The following MERTK variants were observed in gnomAD, a reference collection of about 807,000 sequenced individuals.
MERTK encodes the protein MER proto-oncogene, tyrosine kinase, also known as tyrosine-protein kinase Mer.
MERTK carries 69 observed loss-of-function variants against 99.3 expected under a neutral mutation model. That is an observed-to-expected ratio of 0.70 (90% CI 0.57 to 0.85). The LOEUF is 0.85. Among genes scored for constraint, MERTK ranks in the 40% least tolerant of loss-of-function variants. MERTK has a pLI of 0.00. For synonymous variants in MERTK, 426 were observed against 467.6 expected (o/e 0.91, Z 1.15); for missense variants, 1,125 against 1,249.4 (o/e 0.90, Z 1.50).
intron 1 of MERTK, among the ~76,000 whole-genome samples, chr2:111,915,391 T>G (rs1192814577): frequency 6.6e-6 from 1 of 152,006 alleles, no homozygotes; most frequent in East Asian, 1.9e-4. Flanking sequence ...ATCTATTATT[T>G]TCTTCTTTCT....
intron 4 of MERTK, among the ~76,000 whole-genome samples, chr2:111,951,551 C>CTAT (rs1366387369): frequency 3.5e-5 from 2 of 57,266 alleles, no homozygotes; most frequent in African/African-American, 6.6e-5. Flanking sequence ...ATATATATAC[C>CTAT]ATAATTTTTT....
intron 1 of MERTK, among the ~76,000 whole-genome samples, chr2:111,899,589 C>T (rs918487506): frequency 2.0e-5 from 3 of 152,064 alleles, no homozygotes; most frequent in Non-Finnish European, 4.4e-5. Flanking sequence ...GCGATCTCGG[C>T]TCACTGCAGG....
chr2:111,963,038 T>C (rs947105289), intron 4 of MERTK, among the ~76,000 whole-genome samples: 1 of 152,142 alleles, frequency 6.6e-6, no homozygotes, highest in African/African-American at 2.4e-5. Flanking sequence ...TGGGTGTTTC[T>C]CGGAGAGGGG....
chr2:111,964,646 G>A (rs1558788774), intron 4 of MERTK, among the ~76,000 whole-genome samples: 1 of 152,092 alleles, frequency 6.6e-6, no homozygotes, highest in Non-Finnish European at 1.5e-5. Flanking sequence ...TTTTCATTTA[G>A]CACTAGTGTC....
At chr2:111,927,050 C>T (rs1366745504) in intron 1 of MERTK, among the ~76,000 whole-genome samples, 1 of 152,228 alleles carries the variant, frequency 6.6e-6, no homozygotes, top group African/African-American at 2.4e-5. Context: ...CCACAGCTGA[C>T]CCACATAGCC....
intron 6 of MERTK, among the ~76,000 whole-genome samples, chr2:111,971,393 G>T (rs141516116): frequency 5.3e-5 from 8 of 151,364 alleles, no homozygotes; most frequent in African/African-American, 1.7e-4. Context: ...GTTTTGTAAG[G>T]TAGAGGTTAG....
intron 2 of MERTK, among the ~76,000 whole-genome samples, chr2:111,935,300 T>C (rs929725573): frequency 2.5e-4 from 38 of 152,202 alleles, no homozygotes; most frequent in African/African-American, 8.7e-4. Context: ...CTCCTGCTCA[T>C]GGTTGTGAAC....
intron 1 of MERTK, among the ~76,000 whole-genome samples, chr2:111,915,954 C>A (rs1314865529): frequency 1.3e-5 from 2 of 152,094 alleles, no homozygotes; most frequent in Non-Finnish European, 2.9e-5. Context: ...TATTGTGTTT[C>A]TGTTATTAAT....
At chr2:111,936,167 C>T (rs951707160) in intron 2 of MERTK, among the ~76,000 whole-genome samples, 1 of 152,212 alleles carries the variant, frequency 6.6e-6, no homozygotes, top group Admixed American at 6.5e-5. Context: ...CTGCCCGCCT[C>T]GGCCTCCCAA....
intron 1 of MERTK, among the ~76,000 whole-genome samples, chr2:111,914,077 TTTTC>T (rs563885531): frequency 1.8e-3 from 219 of 123,138 alleles, no homozygotes; most frequent in African/African-American, 4.9e-3. Context: ...TGTGCCCCTC[TTTTC>T]TTTCTTTCTT....
At chr2:111,902,847 C>G (rs11123028) in intron 1 of MERTK, among the ~76,000 whole-genome samples, 5,319 of 131,938 alleles carry the variant, frequency 0.04, 305 homozygotes, top group African/African-American at 0.13. Flanking sequence ...GGCAAATTCT[C>G]TGCTCACTGC....
In MERTK at chr2:111,968,264, G is replaced by C; in HGVS notation, c.960+12G>C. The C allele has an allele frequency of 6.3e-7, 1 of 1,594,480 alleles. No homozygotes were observed. Among genetic ancestry groups the C allele is most frequent in the Non-Finnish European group, 8.6e-7 (1 of 1,162,220 alleles). On this transcript the variant is annotated intron_variant, in intron 6 of 18. Transcript: ENST00000295408. ...ATTGCAGCATTCAGGTAAAGTTCCA[G>C]GGTGAAGAGGGAAGTAGCTGTTTGG...
Position 112,003,887 on chromosome 2 carries a change from G to A in MERTK, c.1787-17G>A, listed in dbSNP as rs1372222625. 4 of 1,599,128 alleles carry A rather than the reference G, an allele frequency of 2.5e-6. No homozygotes were observed. Among genetic ancestry groups the A allele is most frequent in the Non-Finnish European group, 3.4e-6 (4 of 1,166,594 alleles). On this transcript the variant is annotated splice_polypyrimidine_tract_variant and intron_variant, in intron 12 of 18. Transcript: ENST00000295408. Reference sequence around the variant, plus strand: ...GAGTTTGCACAGTGTCCATACAGGTGTTCTTTCACTTCACAGGAGAGTTTG... The same window carrying A: ...GAGTTTGCACAGTGTCCATACAGGTATTCTTTCACTTCACAGGAGAGTTTG...
chr2:111,968,076 G>A (rs189479576), intron 5 of MERTK, 61 bp from the exon 6 acceptor site: 291 of 1,176,436 alleles, frequency 2.5e-4, no homozygotes, highest in Non-Finnish European at 3.5e-4. Flanking sequence ...GGTAGCTGTA[G>A]CCTGTCATCT....
chr2:111,999,280 A>G (rs1676819548), intron 10 of MERTK, among the ~76,000 whole-genome samples: 1 of 152,094 alleles, frequency 6.6e-6, no homozygotes, highest in Admixed American at 6.6e-5. Context: ...ATTAAAATAG[A>G]CTTCATTTTT....
intron 8 of MERTK, among the ~76,000 whole-genome samples, chr2:111,983,563 G>T (rs1425744736): frequency 6.6e-6 from 1 of 152,238 alleles, no homozygotes; most frequent in Non-Finnish European, 1.5e-5. Flanking sequence ...ATCAGGACAT[G>T]CAGTCTGACA....
chr2:112,001,507 A>C (rs1182322565), intron 11 of MERTK, among the ~76,000 whole-genome samples: 3 of 152,216 alleles, frequency 2.0e-5, no homozygotes, highest in Admixed American at 6.5e-5. Context: ...TGGGGTTAAA[A>C]GGACTCACAA....
At chr2:111,918,289 T>G (rs1558770845) in intron 1 of MERTK, among the ~76,000 whole-genome samples, 2 of 152,270 alleles carry the variant, frequency 1.3e-5, no homozygotes, top group Non-Finnish European at 2.9e-5. Flanking sequence ...AGGTCTGGTC[T>G]TCCGGAGATA....
At chr2:111,921,540 C>T (rs1684459966) in intron 1 of MERTK, among the ~76,000 whole-genome samples, 1 of 151,998 alleles carries the variant, frequency 6.6e-6, no homozygotes, top group Non-Finnish European at 1.5e-5. Context: ...ATCACAAACC[C>T]ACCTGCAGAA....
Sources: gnomAD v4.1 joint callset for allele counts (sites outside exome capture counted in the v4.1 genomes callset) on GRCh38, gnomAD v4.1.1 for gene constraint, MANE v1.5 for transcripts, NCBI Gene and HGNC (gene_info 2026-07-23, HGNC 2026-07-21) for gene names.